WWOX: variants seen among roughly 807,000 people sequenced by gnomAD.
The protein encoded by WWOX is WW domain containing oxidoreductase, also known as WW domain-containing oxidoreductase.
WWOX carries 69 observed loss-of-function variants against 46.2 expected under a neutral mutation model. The ratio of observed to expected loss-of-function variants is 1.49; its 90% confidence interval spans 1.23 to 1.82. The LOEUF (loss-of-function observed/expected upper bound fraction) is 1.82. Ranked by LOEUF, WWOX falls within the 40% of genes most tolerant of loss-of-function variation. WWOX has a pLI of 0.00. For synonymous variants in WWOX, 359 were observed against 202.6 expected, an observed-to-expected ratio of 1.77 and a Z score of -6.56; for missense variants, 919 against 542.6, an observed-to-expected ratio of 1.69 and a Z score of -6.89.
intron 8 of WWOX, among the ~76,000 whole-genome samples, chr16:79,011,474 T>TATTA (rs1324454995): frequency 6.8e-6 from 1 of 146,340 alleles, no homozygotes; most frequent in African/African-American, 2.5e-5. Flanking sequence ...TTTATTTATT[T>TATTA]ATTTATTTAT....
At chr16:79,187,839 G>T (rs530844645) in intron 8 of WWOX, among the ~76,000 whole-genome samples, 1 of 152,332 alleles carries the variant, frequency 6.6e-6, no homozygotes, top group African/African-American at 2.4e-5. Context: ...ACCATGCCTG[G>T]CCCCCTTTCA....
chr16:78,776,412 A>G (rs192887887), intron 8 of WWOX, among the ~76,000 whole-genome samples: 2 of 152,102 alleles, frequency 1.3e-5, no homozygotes, highest in East Asian at 3.9e-4. Flanking sequence ...ACTCATACCT[A>G]CTGTTCGTCA....
intron 8 of WWOX, among the ~76,000 whole-genome samples, chr16:78,652,174 G>A (rs1411054248): frequency 2.0e-5 from 3 of 152,052 alleles, no homozygotes; most frequent in Non-Finnish European, 4.4e-5. Context: ...CACTTTGGGA[G>A]GCTGAGGTGG....
chr16:78,274,392 A>G (rs1276869455), intron 5 of WWOX, among the ~76,000 whole-genome samples: 2 of 152,130 alleles, frequency 1.3e-5, no homozygotes, highest in African/African-American at 4.8e-5. Flanking sequence ...ATTCATCCTG[A>G]TTCTCCTACT....
At chr16:79,168,209 T>C (rs1325399092) in intron 8 of WWOX, among the ~76,000 whole-genome samples, 1 of 152,218 alleles carries the variant, frequency 6.6e-6, no homozygotes, top group Non-Finnish European at 1.5e-5. Flanking sequence ...CAAGTTTCTG[T>C]GTGGACATGT....
At chr16:78,360,326 C>T (rs1011767042) in intron 5 of WWOX, among the ~76,000 whole-genome samples, 10 of 152,086 alleles carry the variant, frequency 6.6e-5, no homozygotes, top group African/African-American at 1.2e-4. Context: ...TGGCTCATGC[C>T]TGTAATCCCA....
At chr16:78,771,426 G>A (rs1257816228) in intron 8 of WWOX, among the ~76,000 whole-genome samples, 1 of 152,112 alleles carries the variant, frequency 6.6e-6, no homozygotes, top group Non-Finnish European at 1.5e-5. Flanking sequence ...TAGAAGTGAT[G>A]GTTGTTCAAC....
chr16:78,963,601 T>G (rs1027304830), intron 8 of WWOX, among the ~76,000 whole-genome samples: 1 of 152,242 alleles, frequency 6.6e-6, no homozygotes, highest in South Asian at 2.1e-4. Flanking sequence ...ATGCTAGTTA[T>G]GTTAGTGGTA....
At chr16:78,740,012 T>G (rs749241926) in intron 8 of WWOX, among the ~76,000 whole-genome samples, 17 of 152,126 alleles carry the variant, frequency 1.1e-4, no homozygotes, top group Non-Finnish European at 2.2e-4. Context: ...TCGAGCCCTG[T>G]GGTGTGCCTC....
chr16:78,162,549 GAC>G (rs1464470162), intron 4 of WWOX, among the ~76,000 whole-genome samples: 2 of 151,740 alleles, frequency 1.3e-5, no homozygotes, highest in Non-Finnish European at 2.9e-5. Flanking sequence ...CATACATGTA[GAC>G]ACACACATTT....
chr16:78,812,619 G>T (rs1242496877), intron 8 of WWOX, among the ~76,000 whole-genome samples: 1 of 151,928 alleles, frequency 6.6e-6, no homozygotes, highest in African/African-American at 2.4e-5. Context: ...CCAGCTGCTC[G>T]GGAGGCTGAC....
At chr16:79,098,097 A>G (rs2049113922) in intron 8 of WWOX, among the ~76,000 whole-genome samples, 1 of 152,174 alleles carries the variant, frequency 6.6e-6, no homozygotes. Flanking sequence ...TTGAGCTGGA[A>G]GAAACTTGAG....
At chr16:79,014,706 A>T (rs557615661) in intron 8 of WWOX, among the ~76,000 whole-genome samples, 1 of 152,344 alleles carries the variant, frequency 6.6e-6, no homozygotes, top group East Asian at 1.9e-4. Flanking sequence ...TGAAAGAACC[A>T]AGGCATAGAA....
At chr16:78,775,951 G>A (rs772547630) in intron 8 of WWOX, among the ~76,000 whole-genome samples, 10 of 152,130 alleles carry the variant, frequency 6.6e-5, no homozygotes, top group Admixed American at 2.6e-4. Context: ...TACTCTAAAC[G>A]TAAGACCCTG....
intron 7 of WWOX, among the ~76,000 whole-genome samples, chr16:78,426,124 C>T (rs570269439): frequency 2.6e-5 from 4 of 152,094 alleles, no homozygotes; most frequent in African/African-American, 7.2e-5. Flanking sequence ...AGTAATAATC[C>T]TCCCCCGTGT....
chr16:79,126,815 A>T (rs141478698), intron 8 of WWOX, among the ~76,000 whole-genome samples: 1 of 152,150 alleles, frequency 6.6e-6, no homozygotes, highest in African/African-American at 2.4e-5. Context: ...TGGATGTCCT[A>T]TAGGACATGC....
At chr16:78,711,594 G>A (rs551754874) in intron 8 of WWOX, among the ~76,000 whole-genome samples, 16 of 152,236 alleles carry the variant, frequency 1.1e-4, no homozygotes, top group African/African-American at 3.1e-4. Context: ...AAACCTTAAC[G>A]CTTAAAAATG....
chr16:79,081,259 G>T (rs2048755355), intron 8 of WWOX, among the ~76,000 whole-genome samples: 1 of 152,132 alleles, frequency 6.6e-6, no homozygotes, highest in Non-Finnish European at 1.5e-5. Flanking sequence ...TGCCTCCCGT[G>T]TTCAAGTGAT....
chr16:78,485,346 G>T (rs2084605486), intron 8 of WWOX, among the ~76,000 whole-genome samples: 1 of 152,044 alleles, frequency 6.6e-6, no homozygotes, highest in Non-Finnish European at 1.5e-5. Context: ...TGTTGGGCCT[G>T]CCCAGTGAGG....
Sources: gnomAD v4.1 joint callset for allele counts (sites outside exome capture counted in the v4.1 genomes callset) on GRCh38, gnomAD v4.1.1 for gene constraint, MANE v1.5 for transcripts, NCBI Gene and HGNC (gene_info 2026-07-23, HGNC 2026-07-21) for gene names.